LNPEP: variants seen among roughly 807,000 people sequenced by gnomAD.
LNPEP encodes the protein leucyl-cystinyl aminopeptidase.
A neutral mutation model predicts 120.6 loss-of-function variants in LNPEP; 64 were observed. The ratio of observed to expected loss-of-function variants is 0.53; its 90% CI spans 0.43 to 0.65. The LOEUF (loss-of-function observed/expected upper bound fraction) is 0.65. Among genes scored for constraint, LNPEP ranks in the 30% least tolerant of loss-of-function variants. LNPEP has a pLI of 0.00. For missense variants in LNPEP, 1,057 were observed against 1,200.0 expected (o/e 0.88, Z 1.76); for synonymous variants, 435 against 425.4 (o/e 1.02, Z -0.28).
At chr5:96,955,503 T>C (rs1392759215) in intron 1 of LNPEP, among the ~76,000 whole-genome samples, 1 of 152,108 alleles carries the variant, frequency 6.6e-6, no homozygotes. Context: ...TAGTCCCAGC[T>C]ACTTGGGAGG....
chr5:96,949,823 G>T (rs1360962859), intron 1 of LNPEP, among the ~76,000 whole-genome samples: 1 of 152,142 alleles, frequency 6.6e-6, no homozygotes, highest in Admixed American at 6.5e-5. Flanking sequence ...TTATCTGAGA[G>T]TAATATTACT....
rs141579835 is a variant in LNPEP, at chr5:96,991,783, A to G, written c.1132-1232A>G. On this transcript the variant is annotated intron_variant, in intron 4 of 17. Coordinates refer to ENST00000231368, the MANE Select transcript of LNPEP (RefSeq NM_005575.3). ...GTCTGTTCACTCTGCTGATTGTTGA[A>G]TAAGATGTCCTTTCCCCACTTTATG... is the stretch of plus-strand genomic sequence containing the variant. 9.1e-4 allele frequency among the ~76,000 whole-genome samples: 139 copies of G among 152,216 alleles called. 4 individuals are homozygous for G. The East Asian group carries it at 0.025, about 27-fold the overall frequency.
intron 1 of LNPEP, among the ~76,000 whole-genome samples, chr5:96,969,310 C>T (rs1391785809): frequency 6.7e-6 from 1 of 149,470 alleles, no homozygotes; most frequent in Non-Finnish European, 1.5e-5. Flanking sequence ...AATAGCAGTT[C>T]TGTAGTTCAT....
intron 6 of LNPEP, chr5:96,996,177 A>T (rs1582014295): frequency 5.4e-6 from 2 of 371,138 alleles, no homozygotes; most frequent in South Asian, 1.5e-4. Context: ...AAGGTAAAAG[A>T]TTAAAAATTA....
At chr5:96,939,667 A>G (rs1237001560) in intron 1 of LNPEP, among the ~76,000 whole-genome samples, 1 of 152,114 alleles carries the variant, frequency 6.6e-6, no homozygotes, top group Non-Finnish European at 1.5e-5. Flanking sequence ...GTGGTGCATA[A>G]TCAAACAAGG....
In LNPEP at chr5:96,954,745, T is replaced by C. The variant is rs1282926462; in HGVS notation, c.19+18571T>C. Among the ~76,000 whole-genome samples, 35 of 47,866 alleles carry C rather than the reference T, an allele frequency of 7.3e-4. 3 individuals carry two copies. Among genetic ancestry groups the C allele is most frequent in the African/African-American group, 1.3e-3 (18 of 13,380 alleles). The allele number at this position is 47,866 out of a possible 152,430, so 31.4% of individuals were successfully genotyped here. On this transcript the variant is annotated intron_variant, in intron 1 of 17. Transcript: ENST00000231368. ...ATACATATATATATACATATATATA[T>C]ACACATATATATATATATATATATA...
chr5:96,971,429 T>C (rs534599928), intron 1 of LNPEP, among the ~76,000 whole-genome samples: 9 of 151,454 alleles, frequency 5.9e-5, no homozygotes, highest in African/African-American at 2.2e-4. Context: ...ATCTGGTAAG[T>C]GGTGTTTTTC....
chr5:96,964,761 A>T (rs1406797386), intron 1 of LNPEP, among the ~76,000 whole-genome samples: 1 of 152,162 alleles, frequency 6.6e-6, no homozygotes, highest in African/African-American at 2.4e-5. Flanking sequence ...GTTTAAACTT[A>T]TTAGTGAGTA....
At chr5:97,024,007 T>C (rs989597763) in intron 14 of LNPEP, among the ~76,000 whole-genome samples, 12 of 152,126 alleles carry the variant, frequency 7.9e-5, no homozygotes, top group South Asian at 2.1e-4. Context: ...CTCCAGCTCC[T>C]TACCGTGCAT....
intron 1 of LNPEP, among the ~76,000 whole-genome samples, chr5:96,938,676 A>G (rs1788980093): frequency 6.6e-6 from 1 of 152,180 alleles, no homozygotes; most frequent in South Asian, 2.1e-4. Context: ...TGAATATCCT[A>G]TGTTAACCTG....
intron 4 of LNPEP, among the ~76,000 whole-genome samples, chr5:96,988,701 C>T (rs1231269512): frequency 1.3e-5 from 2 of 152,044 alleles, no homozygotes; most frequent in African/African-American, 2.4e-5. Flanking sequence ...CATTAAAGTT[C>T]TGGGCTCAAG....
Position 97,006,144 on chromosome 5 carries a change from G to T in LNPEP, c.1857G>T (p.Val619=). The T allele has an allele frequency of 1.9e-6, 3 of 1,597,326 alleles. No homozygotes were observed. The South Asian group carries it at 3.4e-5, about 18-fold the overall frequency. ...CCCTGCAGAAAGGATTTCCTTTAGT[G>T]ACTGTTCAAAAGAAAGGAAAGGAAC... ...TWTLQKGFPL[V]TVQKKGKELF... is the part of the protein sequence containing the mutation. Residue 619 remains valine, a synonymous_variant, in exon 10 of 18, where the codon GTG becomes GTT. Coordinates refer to ENST00000231368, the MANE Select transcript of LNPEP (RefSeq NM_005575.3).
intron 1 of LNPEP, among the ~76,000 whole-genome samples, chr5:96,964,570 C>A (rs1051837856): frequency 1.3e-5 from 2 of 151,876 alleles, no homozygotes; most frequent in Non-Finnish European, 2.9e-5. Context: ...ATATACCTAT[C>A]CCTTGTTGTT....
intron 1 of LNPEP, among the ~76,000 whole-genome samples, chr5:96,950,074 A>T (rs774516610): frequency 1.3e-5 from 2 of 152,160 alleles, no homozygotes; most frequent in Non-Finnish European, 2.9e-5. Context: ...GAATTTATTG[A>T]GTACTTGGAG....
chr5:96,992,462 G>A (rs1011181602), intron 4 of LNPEP, among the ~76,000 whole-genome samples: 1 of 152,102 alleles, frequency 6.6e-6, no homozygotes, highest in Non-Finnish European at 1.5e-5. Flanking sequence ...TCTATAATTG[G>A]TTTTTCTAGG....
chr5:97,008,023 C>G (rs1475185611), intron 11 of LNPEP, among the ~76,000 whole-genome samples: 1 of 152,132 alleles, frequency 6.6e-6, no homozygotes. Flanking sequence ...TTGGTAATGT[C>G]ATCATATCTT....
chr5:97,007,693 G>A (rs1473501841), intron 11 of LNPEP, among the ~76,000 whole-genome samples: 1 of 151,856 alleles, frequency 6.6e-6, no homozygotes, highest in African/African-American at 2.4e-5. Context: ...TCTGTATCTT[G>A]CCTTTTTTAA....
In LNPEP at chr5:96,955,062, G is replaced by A. The variant is rs546881147; in HGVS notation, c.19+18888G>A. Among the ~76,000 whole-genome samples the A allele has an allele frequency of 1.9e-4, 28 of 150,714 alleles. No homozygotes were observed. In the South Asian group the frequency reaches 5.2e-3, roughly 28 times the overall value. ...CTCCCAAAGTGCTGGGATTACAGGC[G>A]TGAGCCACCGCGCCCGGCCTGCAAT... On this transcript the variant is annotated intron_variant, in intron 1 of 17. Transcript: ENST00000231368.
At chr5:96,942,626 C>G (rs1259477501) in intron 1 of LNPEP, among the ~76,000 whole-genome samples, 1 of 146,046 alleles carries the variant, frequency 6.8e-6, no homozygotes, top group Non-Finnish European at 1.5e-5. Context: ...TGCATTCCAG[C>G]CTGGTGACAG....
Sources: allele counts gnomAD v4.1 joint callset (sites outside exome capture counted in the v4.1 genomes callset), GRCh38; gene constraint gnomAD v4.1.1; transcripts MANE v1.5; gene names NCBI Gene and HGNC (gene_info 2026-07-23, HGNC 2026-07-21).